Variants in GRK5 observed in about 807,000 individuals in gnomAD.
The protein encoded by GRK5 is G protein-coupled receptor kinase 5.
Under a neutral mutation model 78.4 loss-of-function variants are expected in GRK5, and 40 were observed. That is an observed-to-expected ratio of 0.51 (90% confidence interval 0.40 to 0.66). The LOEUF (loss-of-function observed/expected upper bound fraction) is 0.66, where lower values mean the gene tolerates loss of function less well. Among genes scored for constraint, GRK5 ranks in the 30% least tolerant of loss-of-function variants. GRK5 has a pLI of 0.00. For missense variants in GRK5, 598 were observed against 759.9 expected, an observed-to-expected ratio of 0.79 and a Z score of 2.50; for synonymous variants, 289 against 296.8, an observed-to-expected ratio of 0.97 and a Z score of 0.27.
At chr10:119,355,266 AT>A (rs1376493109) in intron 2 of GRK5, among the ~76,000 whole-genome samples, 1 of 152,174 alleles carries the variant, frequency 6.6e-6, no homozygotes, top group Non-Finnish European at 1.5e-5. Flanking sequence ...CAATTTCATT[AT>A]TTTTTCATCT....
chr10:119,394,367 T>TTTGTGTGG (rs1851976319), intron 3 of GRK5, among the ~76,000 whole-genome samples: 1 of 104,886 alleles, frequency 9.5e-6, no homozygotes, highest in African/African-American at 3.8e-5. Context: ...TGTGGGTGTG[T>TTTGTGTGG]GTGGGTGTCG....
chr10:119,222,150 G>T (rs1185219657), intron 1 of GRK5, among the ~76,000 whole-genome samples: 1 of 152,196 alleles, frequency 6.6e-6, no homozygotes, highest in Admixed American at 6.5e-5. Context: ...CAAGCTCAGA[G>T]AGGTGAAGTG....
intron 1 of GRK5, among the ~76,000 whole-genome samples, chr10:119,308,632 C>T (rs188229803): frequency 6.4e-4 from 98 of 152,366 alleles, no homozygotes; most frequent in African/African-American, 2.1e-3. Flanking sequence ...CCCGCGTCTT[C>T]GTAGCTTCAA....
Position 119,345,257 on chromosome 10 carries a change from C to T in GRK5, c.148+18646C>T, listed in dbSNP as rs546584043. 7.0e-4 allele frequency among the ~76,000 whole-genome samples: 106 copies of T among 152,272 alleles called. 1 individual carries two copies. In the South Asian group the frequency reaches 0.02, roughly 29 times the overall value. ...TGCTGGGATTACAGGCGTGAGCCAC[C>T]GCGCCCGGCCACAGACTCACTTTCT... On this transcript the variant is annotated intron_variant, in intron 2 of 15. Transcript: ENST00000392870.
chr10:119,311,233 T>A (rs1306935617), intron 1 of GRK5, among the ~76,000 whole-genome samples: 1 of 152,142 alleles, frequency 6.6e-6, no homozygotes, highest in African/African-American at 2.4e-5. Context: ...TGATGGAGCT[T>A]TTGCTATGTC....
At chr10:119,237,595 G>A (rs1848953859) in intron 1 of GRK5, among the ~76,000 whole-genome samples, 1 of 152,282 alleles carries the variant, frequency 6.6e-6, no homozygotes, top group South Asian at 2.1e-4. Context: ...CTAAAGGGAA[G>A]GGCTTTCTTC....
chr10:119,224,513 G>A lies in GRK5; in HGVS notation c.52+16544G>A, dbSNP rs187270575. Among the ~76,000 whole-genome samples the A allele has an allele frequency of 1.6e-3, 251 of 152,134 alleles. 2 individuals carry two copies. Among genetic ancestry groups the A allele is most frequent in the East Asian group, 0.016 (82 of 5,176 alleles). ...AACCTTCTGCCTCCCAGGTTCAAGCGGTTCTCTTGCCTCAGCGCCCCGAGT... is the reference window on the plus strand; with the variant it reads ...AACCTTCTGCCTCCCAGGTTCAAGCAGTTCTCTTGCCTCAGCGCCCCGAGT... On this transcript the variant is annotated intron_variant, in intron 1 of 15. Transcript: ENST00000392870.
chr10:119,281,718 C>T (rs919947869), intron 1 of GRK5, among the ~76,000 whole-genome samples: 4 of 152,212 alleles, frequency 2.6e-5, no homozygotes, highest in East Asian at 1.9e-4. Flanking sequence ...CATTTGGAAG[C>T]GTGCCCTTGA....
At chr10:119,451,595 C>T (rs1853288370) in intron 13 of GRK5, among the ~76,000 whole-genome samples, 1 of 152,226 alleles carries the variant, frequency 6.6e-6, no homozygotes, top group Non-Finnish European at 1.5e-5. Flanking sequence ...TGGCGTGCAC[C>T]CCGGGCTTTG....
At position 119,347,605 on chromosome 10, in the gene GRK5, C is replaced by T. The variant is rs71480941; in HGVS notation, c.148+20994C>T. Among the ~76,000 whole-genome samples the T allele has an allele frequency of 7.8e-4, 119 of 152,348 alleles. 1 individual carries two copies. Among genetic ancestry groups the T allele is most frequent in the Middle Eastern group, 3.4e-3 (1 of 294 alleles). On this transcript the variant is annotated intron_variant, in intron 2 of 15. Coordinates refer to ENST00000392870, the MANE Select transcript of GRK5 (RefSeq NM_005308.3). Reference sequence around the variant, plus strand: ...AATGACTCTGACCTGGAGACAAGGCCGGGACGGCAATGGGGTGTTGTGGAG... The same window carrying T: ...AATGACTCTGACCTGGAGACAAGGCTGGGACGGCAATGGGGTGTTGTGGAG...
chr10:119,453,077 G>T, intron 14 of GRK5, 68 bp from the exon 15 acceptor site: 2 of 1,033,384 alleles, frequency 1.9e-6, no homozygotes, highest in Non-Finnish European at 1.5e-6. Flanking sequence ...GAGCCCCAGT[G>T]GCTTTGCTGC....
intron 3 of GRK5, among the ~76,000 whole-genome samples, chr10:119,396,033 C>G (rs192196519): frequency 1.4e-4 from 22 of 152,298 alleles, no homozygotes; most frequent in African/African-American, 5.3e-4. Context: ...TGGAAAAGAC[C>G]AGGCATCCAC....
intron 1 of GRK5, among the ~76,000 whole-genome samples, chr10:119,259,441 C>T (rs1849337554): frequency 6.6e-6 from 1 of 152,232 alleles, no homozygotes; most frequent in Admixed American, 6.5e-5. Flanking sequence ...CATTGTGTTT[C>T]TCTTCATATG....
intron 1 of GRK5, among the ~76,000 whole-genome samples, chr10:119,218,669 G>A (rs1848613783): frequency 6.6e-6 from 1 of 152,268 alleles, no homozygotes; most frequent in Non-Finnish European, 1.5e-5. Flanking sequence ...ACAAAGGATT[G>A]GACCATCGAC....
At chr10:119,362,418 A>G (rs1047134726) in intron 2 of GRK5, among the ~76,000 whole-genome samples, 1 of 152,234 alleles carries the variant, frequency 6.6e-6, no homozygotes, top group Non-Finnish European at 1.5e-5. Context: ...AACAAATGTG[A>G]TTCCTAATGT....
chr10:119,315,417 C>A (rs1850469127), intron 1 of GRK5, among the ~76,000 whole-genome samples: 1 of 152,158 alleles, frequency 6.6e-6, no homozygotes, highest in Non-Finnish European at 1.5e-5. Context: ...GCTGGAGGTG[C>A]CTCTCTGGGG....
intron 1 of GRK5, among the ~76,000 whole-genome samples, chr10:119,319,806 G>A (rs964720686): frequency 6.6e-6 from 1 of 152,244 alleles, no homozygotes; most frequent in African/African-American, 2.4e-5. Context: ...TCTGTGAATA[G>A]GGTCAGTACC....
intron 1 of GRK5, among the ~76,000 whole-genome samples, chr10:119,278,811 C>T (rs1849708746): frequency 6.6e-6 from 1 of 152,180 alleles, no homozygotes; most frequent in Non-Finnish European, 1.5e-5. Flanking sequence ...AGATGGCCGC[C>T]CCCTTGCTCT....
At chr10:119,314,555 G>A (rs956177629) in intron 1 of GRK5, among the ~76,000 whole-genome samples, 2 of 152,158 alleles carry the variant, frequency 1.3e-5, no homozygotes, top group African/African-American at 2.4e-5. Context: ...AGGAAAGTGC[G>A]GGATACACTC....
Sources: gnomAD v4.1 joint callset for allele counts (sites outside exome capture counted in the v4.1 genomes callset) on GRCh38, gnomAD v4.1.1 for gene constraint, MANE v1.5 for transcripts, NCBI Gene and HGNC (gene_info 2026-07-23, HGNC 2026-07-21) for gene names.